The following TRABD2B variants were observed in gnomAD, a reference collection of about 807,000 sequenced individuals.
TRABD2B encodes the protein TraB domain containing 2B.
TRABD2B carries 14 observed loss-of-function variants against 40.1 expected under a neutral mutation model. The observed-to-expected ratio is 0.35, with a 90% CI of 0.23 to 0.55. The LOEUF (loss-of-function observed/expected upper bound fraction) is 0.55, where lower values mean the gene tolerates loss of function less well. TRABD2B is among the 20% of genes least tolerant of loss of function. The pLI is 0.90. For missense variants in TRABD2B, 541 were observed against 648.6 expected (o/e 0.83, Z 1.80); for synonymous variants, 263 against 277.0 (o/e 0.95, Z 0.50).
chr1:47,864,369 A>T (rs1212689670), intron 2 of TRABD2B, among the ~76,000 whole-genome samples: 1 of 152,058 alleles, frequency 6.6e-6, no homozygotes, highest in Non-Finnish European at 1.5e-5. Flanking sequence ...CCCTGGTGGG[A>T]GATTTATAAT....
chr1:47,934,558 T>C (rs1466383521), intron 2 of TRABD2B, among the ~76,000 whole-genome samples: 2 of 152,222 alleles, frequency 1.3e-5, no homozygotes, highest in Non-Finnish European at 2.9e-5. Context: ...GTGAGCAGCT[T>C]TGGGGAGTTC....
At chr1:47,803,523 T>A (rs1354656853) in intron 2 of TRABD2B, among the ~76,000 whole-genome samples, 1 of 152,006 alleles carries the variant, frequency 6.6e-6, no homozygotes, top group African/African-American at 2.4e-5. Context: ...TCCCCATACA[T>A]GCAAACTAGC....
chr1:47,958,760 A>ATGGG (rs1645463647), intron 2 of TRABD2B, among the ~76,000 whole-genome samples: 1 of 152,172 alleles, frequency 6.6e-6, no homozygotes, highest in South Asian at 2.1e-4. Flanking sequence ...CACAGTAATA[A>ATGGG]TGGGAGACTT....
chr1:47,949,473 T>A (rs1267757275), intron 2 of TRABD2B, among the ~76,000 whole-genome samples: 3 of 145,006 alleles, frequency 2.1e-5, no homozygotes, highest in Non-Finnish European at 4.5e-5. Context: ...AGTGGTGCGA[T>A]CTTGTCTCAC....
chr1:47,827,845 G>A (rs893944619), intron 2 of TRABD2B, among the ~76,000 whole-genome samples: 1 of 152,060 alleles, frequency 6.6e-6, no homozygotes, highest in Non-Finnish European at 1.5e-5. Context: ...GGCCCACAAT[G>A]AGGTACCCCC....
chr1:47,807,698 TATAAC>T (rs758474403), intron 2 of TRABD2B, among the ~76,000 whole-genome samples: 12 of 152,172 alleles, frequency 7.9e-5, no homozygotes, highest in Non-Finnish European at 1.5e-4. Context: ...CCCTTTATCA[TATAAC>T]ATAAGATATA....
At chr1:47,895,588 A>G (rs563320855) in intron 2 of TRABD2B, among the ~76,000 whole-genome samples, 1 of 152,234 alleles carries the variant, frequency 6.6e-6, no homozygotes, top group African/African-American at 2.4e-5. Flanking sequence ...CCTGGAACCA[A>G]CCCTGTTCAG....
At chr1:47,965,313 A>C (rs55798243) in intron 2 of TRABD2B, among the ~76,000 whole-genome samples, 59,138 of 146,316 alleles carry the variant, frequency 0.4, 12,526 homozygotes, top group African/African-American at 0.52. Context: ...CTCTGCATTC[A>C]AAAGCGACAG....
At chr1:47,826,380 A>G (rs1419829873) in intron 2 of TRABD2B, among the ~76,000 whole-genome samples, 1 of 152,154 alleles carries the variant, frequency 6.6e-6, no homozygotes, top group African/African-American at 2.4e-5. Context: ...TCATTATATC[A>G]TATATCATTA....
chr1:47,916,204 A>T (rs936621553), intron 2 of TRABD2B, among the ~76,000 whole-genome samples: 1 of 151,944 alleles, frequency 6.6e-6, no homozygotes, highest in Non-Finnish European at 1.5e-5. Flanking sequence ...ACGGAGATGA[A>T]ATCTGCTGAG....
At chr1:47,894,630 C>A (rs1644492793) in intron 2 of TRABD2B, among the ~76,000 whole-genome samples, 1 of 152,138 alleles carries the variant, frequency 6.6e-6, no homozygotes, top group African/African-American at 2.4e-5. Context: ...CAGCAGGGCA[C>A]TGAATGCATT....
chr1:47,962,017 G>A (rs1645524612), intron 2 of TRABD2B, among the ~76,000 whole-genome samples: 1 of 152,144 alleles, frequency 6.6e-6, no homozygotes, highest in Non-Finnish European at 1.5e-5. Flanking sequence ...TATACACCAT[G>A]GAATACTATG....
chr1:47,940,874 C>A (rs753719570), intron 2 of TRABD2B, among the ~76,000 whole-genome samples: 5 of 152,192 alleles, frequency 3.3e-5, no homozygotes, highest in Non-Finnish European at 7.3e-5. Flanking sequence ...CCCATAATGG[C>A]GTATTTTCCA....
intron 2 of TRABD2B, among the ~76,000 whole-genome samples, chr1:47,943,797 CACAG>C (rs1450080763): frequency 7.7e-6 from 1 of 130,378 alleles, no homozygotes; most frequent in African/African-American, 2.8e-5. Flanking sequence ...CACACACACA[CACAG>C]AACACAATGG....
At chr1:47,875,375 GC>G (rs1644208705) in intron 2 of TRABD2B, among the ~76,000 whole-genome samples, 2 of 151,598 alleles carry the variant, frequency 1.3e-5, no homozygotes, top group South Asian at 4.2e-4. Flanking sequence ...ATTTCAATAA[GC>G]TTTCTCTTAA....
At chr1:47,949,401 C>CTTTTTTTTTTT (rs35027686) in intron 2 of TRABD2B, among the ~76,000 whole-genome samples, 45 of 80,274 alleles carry the variant, frequency 5.6e-4, no homozygotes, top group Non-Finnish European at 7.9e-4. Context: ...TCTTTTCTTT[C>CTTTTTTTTTTT]TTTTTTTTTT....
At chr1:47,871,301 G>T (rs951599103) in intron 2 of TRABD2B, among the ~76,000 whole-genome samples, 1 of 152,172 alleles carries the variant, frequency 6.6e-6, no homozygotes, top group Non-Finnish European at 1.5e-5. Context: ...TACGCCGTCA[G>T]TGTGGCCCCT....
intron 2 of TRABD2B, among the ~76,000 whole-genome samples, chr1:47,829,248 C>T (rs12041283): frequency 4.6e-5 from 7 of 151,996 alleles, no homozygotes; most frequent in Non-Finnish European, 8.8e-5. Context: ...CTCGAGCTGC[C>T]CATAGAGTTC....
chr1:47,933,892 C>A (rs1645071897), intron 2 of TRABD2B, among the ~76,000 whole-genome samples: 1 of 152,206 alleles, frequency 6.6e-6, no homozygotes, highest in Non-Finnish European at 1.5e-5. Context: ...GATCACTCAA[C>A]ACAAGTTTGT....
Sources: allele counts gnomAD v4.1 joint callset (sites outside exome capture counted in the v4.1 genomes callset), GRCh38; gene constraint gnomAD v4.1.1; transcripts MANE v1.5; gene names NCBI Gene and HGNC (gene_info 2026-07-23, HGNC 2026-07-21).